CACNB2: variants seen among roughly 807,000 people sequenced by gnomAD.
The protein encoded by CACNB2 is voltage-dependent L-type calcium channel subunit beta-2.
Under a neutral mutation model 73.3 loss-of-function variants are expected in CACNB2, and 42 were observed. The ratio of observed to expected loss-of-function variants is 0.57; its 90% CI spans 0.45 to 0.74. The LOEUF is 0.74. CACNB2 is among the 30% of genes least tolerant of loss of function. CACNB2 has a pLI of 0.00. For missense variants in CACNB2, 940 were observed against 853.0 expected (o/e 1.10, Z -1.27); for synonymous variants, 348 against 310.3 (o/e 1.12, Z -1.28).
At chr10:18,491,227 A>G (rs149797190) in intron 3 of CACNB2, among the ~76,000 whole-genome samples, 2 of 152,232 alleles carry the variant, frequency 1.3e-5, no homozygotes. Context: ...ATGATGGACC[A>G]TGCAGGAGTG....
chr10:18,150,856 T>G (rs1370656943), intron 1 of CACNB2, 27 bp from the exon 2 acceptor site: 3 of 219,784 alleles, frequency 1.4e-5, no homozygotes, highest in Non-Finnish European at 2.3e-5. Context: ...CTTATTTGTC[T>G]TTTTTTTTTT....
rs566280035 is a variant in CACNB2 at position 18,275,946 on chromosome 10, G to A, written c.213+124971G>A. Reference sequence around the variant, plus strand: ...TCAAAATACGTTACTTAATTGCCACGAGAGTGGTGAAACTTTGTTCAGATT... The same window carrying A: ...TCAAAATACGTTACTTAATTGCCACAAGAGTGGTGAAACTTTGTTCAGATT... On this transcript the variant is annotated intron_variant, in intron 2 of 13. Coordinates refer to ENST00000324631, the MANE Select transcript of CACNB2 (RefSeq NM_201596.3). Among the ~76,000 whole-genome samples the A allele has an allele frequency of 5.3e-5, 8 of 152,294 alleles. No individual in the cohort carries two copies. In the South Asian group the frequency reaches 1.2e-3, roughly 24 times the overall value.
intron 6 of CACNB2, among the ~76,000 whole-genome samples, chr10:18,509,002 A>G (rs1368053625): frequency 6.6e-6 from 1 of 152,212 alleles, no homozygotes; most frequent in East Asian, 1.9e-4. Flanking sequence ...TAAAAAGGTG[A>G]TTTAAATGTT....
intron 3 of CACNB2, among the ~76,000 whole-genome samples, chr10:18,409,754 GC>G (rs2044511285): frequency 6.6e-6 from 1 of 152,166 alleles, no homozygotes; most frequent in Non-Finnish European, 1.5e-5. Flanking sequence ...TCTGGCCAAT[GC>G]CCCAGAGAGG....
chr10:18,175,083 C>A (rs1017934408), intron 2 of CACNB2, among the ~76,000 whole-genome samples: 1 of 152,132 alleles, frequency 6.6e-6, no homozygotes, highest in African/African-American at 2.4e-5. Context: ...CGAGAATTGA[C>A]CTCTCTATGG....
intron 2 of CACNB2, among the ~76,000 whole-genome samples, chr10:18,168,235 A>G (rs912084113): frequency 5.3e-5 from 8 of 152,116 alleles, no homozygotes; most frequent in Non-Finnish European, 7.4e-5. Context: ...GCAGTGAGCT[A>G]TGATCAAACC....
intron 2 of CACNB2, chr10:18,340,830 A>G (rs2041202460): frequency 6.2e-7 from 1 of 1,612,714 alleles, no homozygotes. Flanking sequence ...GCTGTTCAGC[A>G]AAGCAAGACT....
chr10:18,164,993 A>G (rs1181387463), intron 2 of CACNB2, among the ~76,000 whole-genome samples: 2 of 152,164 alleles, frequency 1.3e-5, no homozygotes, highest in African/African-American at 4.8e-5. Flanking sequence ...CAGTGGGCCA[A>G]ATGTAGAACA....
chr10:18,237,435 A>G (rs1481032807), intron 2 of CACNB2, among the ~76,000 whole-genome samples: 4 of 152,196 alleles, frequency 2.6e-5, no homozygotes, highest in African/African-American at 7.2e-5. Context: ...AGATGCATCT[A>G]CAAGCCAAGG....
intron 2 of CACNB2, among the ~76,000 whole-genome samples, chr10:18,365,045 C>G (rs1293771295): frequency 1.3e-5 from 2 of 152,152 alleles, no homozygotes; most frequent in Non-Finnish European, 2.9e-5. Context: ...ATCCAATCTA[C>G]TTGGGTTAAG....
At chr10:18,505,949 G>A (rs1284551322) in intron 5 of CACNB2, among the ~76,000 whole-genome samples, 1 of 152,080 alleles carries the variant, frequency 6.6e-6, no homozygotes, top group Non-Finnish European at 1.5e-5. Flanking sequence ...ATGTTTCTTC[G>A]TGTGTCCGTT....
chr10:18,445,716 G>A (rs192262945), intron 3 of CACNB2, among the ~76,000 whole-genome samples: 2 of 152,266 alleles, frequency 1.3e-5, no homozygotes, highest in Admixed American at 6.5e-5. Context: ...ATTTATGACC[G>A]GGGCACCAGG....
intron 2 of CACNB2, among the ~76,000 whole-genome samples, chr10:18,337,837 A>G (rs1285926036): frequency 6.6e-6 from 1 of 152,200 alleles, no homozygotes; most frequent in Non-Finnish European, 1.5e-5. Context: ...AAGTCTCTAT[A>G]TATTAAGGTG....
At chr10:18,195,721 G>C (rs185837831) in intron 2 of CACNB2, among the ~76,000 whole-genome samples, 1 of 152,170 alleles carries the variant, frequency 6.6e-6, no homozygotes, top group African/African-American at 2.4e-5. Flanking sequence ...GTTGATAAGT[G>C]GTGGGGCTCA....
chr10:18,368,905 A>G (rs2042463621), intron 2 of CACNB2, among the ~76,000 whole-genome samples: 2 of 152,156 alleles, frequency 1.3e-5, no homozygotes, highest in Admixed American at 1.3e-4. Flanking sequence ...TTAAAAAAAA[A>G]GAGAGAGAAC....
chr10:18,538,310 G>A lies in CACNB2; in HGVS notation c.1433G>A (p.Arg478His), dbSNP rs781646326. 20 of 1,613,944 alleles carry A rather than the reference G, an allele frequency of 1.2e-5. No individual in the cohort carries two copies. Among genetic ancestry groups the A allele is most frequent in the East Asian group, 4.5e-5 (2 of 44,902 alleles). ...SSSLPNPLLSRTLATSSLPLS... is the reference protein window; with the variant it reads ...SSSLPNPLLSHTLATSSLPLS... ...AGCCTCCCCAACCCTCTCCTTAGCC[G>A]TACATTAGCCACTTCAAGTCTGCCT... Residue 478 changes from arginine to histidine, a missense_variant, in exon 13 of 14, where the codon CGT becomes CAT. By Grantham distance (29) the Arg-to-His change is conservative. Coordinates refer to ENST00000324631, the MANE Select transcript of CACNB2 (RefSeq NM_201596.3).
At chr10:18,256,616 T>C (rs1169014390) in intron 2 of CACNB2, 1 of 152,094 alleles carries the variant, frequency 6.6e-6, no homozygotes, top group East Asian at 1.9e-4. Context: ...AATTCATCAT[T>C]CATTCCAGAA....
At chr10:18,302,571 T>G (rs933798460) in intron 2 of CACNB2, among the ~76,000 whole-genome samples, 5 of 152,196 alleles carry the variant, frequency 3.3e-5, no homozygotes, top group Non-Finnish European at 5.9e-5. Flanking sequence ...TTGGATACTG[T>G]TATCCTAAGG....
At chr10:18,156,170 G>A (rs555755540) in intron 2 of CACNB2, among the ~76,000 whole-genome samples, 1 of 152,164 alleles carries the variant, frequency 6.6e-6, no homozygotes, top group Non-Finnish European at 1.5e-5. Context: ...ACTTTTAGTT[G>A]TATAGTTTAG....
Sources: allele counts gnomAD v4.1 joint callset (sites outside exome capture counted in the v4.1 genomes callset), GRCh38; gene constraint gnomAD v4.1.1; transcripts MANE v1.5; gene names NCBI Gene and HGNC (gene_info 2026-07-23, HGNC 2026-07-21).